CDH4: variants seen among roughly 807,000 people sequenced by gnomAD.
CDH4 encodes the protein cadherin-4.
In CDH4, 33 loss-of-function variants were observed where a neutral mutation model predicts 86.0. The observed-to-expected ratio is 0.38, with a 90% CI of 0.29 to 0.51. CDH4 has a LOEUF of 0.51. Among genes scored for constraint, CDH4 ranks in the 20% least tolerant of loss-of-function variants. CDH4 has a pLI of 0.86. For synonymous variants in CDH4, 555 were observed against 549.4 expected, an observed-to-expected ratio of 1.01 and a Z score of -0.14; for missense variants, 1,114 against 1,307.4, an observed-to-expected ratio of 0.85 and a Z score of 2.28.
At position 61,754,528 on chromosome 20, in the gene CDH4, G is replaced by A. The variant is rs1164705080; in HGVS notation, c.396+10739G>A. On this transcript the variant is annotated intron_variant, in intron 3 of 15. Coordinates refer to ENST00000614565, the MANE Select transcript of CDH4 (RefSeq NM_001794.5). The surrounding 1 kb of genome is among the most constrained non-coding windows in gnomAD (Gnocchi z 4.7). The stretch of plus-strand genomic sequence containing the variant: ...ACAGGGCTTGGGGTGTCCCTGGGGA[G>A]AGGAGGGATGAGGAACGGGTGCCAT... Among the ~76,000 whole-genome samples the A allele has an allele frequency of 1.3e-5, 2 of 151,752 alleles. No homozygotes were observed. The highest frequency in any genetic ancestry group is 4.9e-5 in the African/African-American group (2 of 41,060).
chr20:61,498,086 T>C (rs1002284664), intron 2 of CDH4, among the ~76,000 whole-genome samples: 2 of 149,290 alleles, frequency 1.3e-5, no homozygotes, highest in African/African-American at 4.9e-5. Context: ...AGGGATAGCA[T>C]TAGGAGATAT....
chr20:61,855,007 T>C (rs1982935707), intron 6 of CDH4, among the ~76,000 whole-genome samples: 1 of 107,166 alleles, frequency 9.3e-6, no homozygotes, highest in Non-Finnish European at 1.9e-5. Flanking sequence ...AATTGTGCCC[T>C]TGGCCCACCC....
chr20:61,487,598 T>TC (rs1189333305), intron 2 of CDH4, among the ~76,000 whole-genome samples: 3 of 152,162 alleles, frequency 2.0e-5, no homozygotes, highest in Non-Finnish European at 4.4e-5. Context: ...CTCTGCTATT[T>TC]CCCCATTCCT....
At chr20:61,761,058 A>G (rs1003870790) in intron 3 of CDH4, among the ~76,000 whole-genome samples, 4 of 152,222 alleles carry the variant, frequency 2.6e-5, no homozygotes, top group African/African-American at 9.6e-5. Context: ...AATATTTTAA[A>G]TATACATGTT....
chr20:61,646,767 G>T (rs1005628249), intron 2 of CDH4, among the ~76,000 whole-genome samples: 2 of 152,242 alleles, frequency 1.3e-5, no homozygotes, highest in Admixed American at 6.5e-5. Context: ...TAAAAATTCT[G>T]CAGAAACACT....
chr20:61,934,195 G>C lies in CDH4; in HGVS notation c.2519G>C (p.Gly840Ala), dbSNP rs142421453. 71 of 1,575,924 alleles carry C rather than the reference G, an allele frequency of 4.5e-5. No homozygotes were observed. The highest frequency in any genetic ancestry group is 1.6e-4 in the Admixed American group (9 of 56,556). Residue 840 changes from glycine (G) to alanine (A), a missense_variant, in exon 15 of 16, where the codon GGC becomes GCC. Physicochemically the swap from Gly to Ala is moderately conservative, Grantham distance 60. Around this residue, in one of 3 missense-constraint regions of CDH4, gnomAD observed 188 missense variants for 183.8 expected, o/e 1.02. Coordinates refer to ENST00000614565, the MANE Select transcript of CDH4 (RefSeq NM_001794.5). ...ATCAGGCCCATGGTGCCGCACCCAGGCGACATCGGTGACTTCATCAATGAG... is the reference window on the plus strand; with the variant it reads ...ATCAGGCCCATGGTGCCGCACCCAGCCGACATCGGTGACTTCATCAATGAG... ...YPIRPMVPHP[G>A]DIGDFINEGL...
intron 2 of CDH4, among the ~76,000 whole-genome samples, chr20:61,521,959 T>A (rs2085872379): frequency 6.6e-6 from 1 of 152,236 alleles, no homozygotes; most frequent in South Asian, 2.1e-4. Flanking sequence ...TGAGCATAGA[T>A]CTTGGTGTAA....
At chr20:61,923,822 G>A in intron 10 of CDH4, 118 bp downstream of exon 10, 3 of 1,314,540 alleles carry the variant, frequency 2.3e-6, no homozygotes, top group Non-Finnish European at 3.1e-6. Context: ...GTGGTCGGGG[G>A]CATCTCCAAC....
At chr20:61,707,006 C>T (rs1422315102) in intron 2 of CDH4, among the ~76,000 whole-genome samples, 1 of 152,236 alleles carries the variant, frequency 6.6e-6, no homozygotes, top group Non-Finnish European at 1.5e-5. Flanking sequence ...TGCCTGCAAG[C>T]AATCTCAAAG....
chr20:61,655,624 G>A (rs1431861639), intron 2 of CDH4, among the ~76,000 whole-genome samples: 2 of 152,252 alleles, frequency 1.3e-5, no homozygotes, highest in Non-Finnish European at 2.9e-5. Context: ...CACTGGCCAA[G>A]AAGCTCCGCT....
intron 6 of CDH4, among the ~76,000 whole-genome samples, chr20:61,858,403 G>C (rs1304118840): frequency 6.6e-6 from 1 of 151,310 alleles, no homozygotes; most frequent in Non-Finnish European, 1.5e-5. Flanking sequence ...CTCTGTGTCT[G>C]TGTGTCTGCG....
chr20:61,774,359 C>G (rs1277028458), intron 4 of CDH4, among the ~76,000 whole-genome samples: 1 of 152,232 alleles, frequency 6.6e-6, no homozygotes, highest in Non-Finnish European at 1.5e-5. Context: ...GCCCACTGGG[C>G]AACCTCCCGC....
Position 61,804,419 on chromosome 20 carries a change from C to T in CDH4, c.576+31237C>T, listed in dbSNP as rs146891348. 5.4e-3 allele frequency among the ~76,000 whole-genome samples: 824 copies of T among 152,344 alleles called. 10 individuals are homozygous for T. The highest frequency in any genetic ancestry group is 0.019 in the African/African-American group (781 of 41,574). On this transcript the variant is annotated intron_variant, in intron 4 of 15. Coordinates refer to ENST00000614565, the MANE Select transcript of CDH4 (RefSeq NM_001794.5). ...ACCCCTCTCCGCCGTCCAGCCTCTG[C>T]ATCTGGCCTCGGCCTCACCCACTGC...
chr20:61,655,427 G>A (rs940866808), intron 2 of CDH4, among the ~76,000 whole-genome samples: 14 of 152,220 alleles, frequency 9.2e-5, no homozygotes, highest in African/African-American at 3.1e-4. Context: ...CTTGCGGAGA[G>A]TGACAAGGCA....
chr20:61,769,987 C>T (rs1354865766), intron 3 of CDH4, among the ~76,000 whole-genome samples: 1 of 152,184 alleles, frequency 6.6e-6, no homozygotes, highest in Admixed American at 6.5e-5. Flanking sequence ...GATGCAGAGT[C>T]CTGCTGTCCT....
At chr20:61,523,578 C>G (rs577213789) in intron 2 of CDH4, among the ~76,000 whole-genome samples, 1 of 152,338 alleles carries the variant, frequency 6.6e-6, no homozygotes, top group South Asian at 2.1e-4. Flanking sequence ...TCTATAAACA[C>G]CAGGGCAGAT....
intron 2 of CDH4, among the ~76,000 whole-genome samples, chr20:61,636,665 G>A (rs2086949897): frequency 6.6e-6 from 1 of 152,192 alleles, no homozygotes. Context: ...CAGGAGACAA[G>A]GCTGCCCGTC....
At chr20:61,633,011 C>T (rs985278298) in intron 2 of CDH4, among the ~76,000 whole-genome samples, 1 of 151,548 alleles carries the variant, frequency 6.6e-6, no homozygotes, top group Non-Finnish European at 1.5e-5. Context: ...TCCATTCCTC[C>T]ATCTACCCTT....
chr20:61,562,854 G>A (rs2086231156), intron 2 of CDH4, among the ~76,000 whole-genome samples: 1 of 152,232 alleles, frequency 6.6e-6, no homozygotes, highest in Admixed American at 6.5e-5. Context: ...TCATCGGATG[G>A]AAGAGCACTG....
Sources: gnomAD v4.1 joint callset for allele counts (sites outside exome capture counted in the v4.1 genomes callset) on GRCh38, gnomAD v4.1.1 for gene constraint, gnomAD v4.1.1 regional missense constraint, Gnocchi (gnomAD v3.1) non-coding constraint, MANE v1.5 for transcripts, NCBI Gene and HGNC (gene_info 2026-07-23, HGNC 2026-07-21) for gene names.